MYC: variants seen among roughly 807,000 people sequenced by gnomAD.
The protein encoded by MYC is myc proto-oncogene protein.
Under a neutral mutation model 30.5 loss-of-function variants are expected in MYC, and 1 was observed. The observed-to-expected ratio is 0.03, with a 90% confidence interval of 0.01 to 0.16. The LOEUF (loss-of-function observed/expected upper bound fraction) is 0.16, where lower values mean the gene tolerates loss of function less well. Ranked by LOEUF, MYC falls within the 10% of genes least tolerant of loss-of-function variation. MYC has a pLI of 1.00. For synonymous variants in MYC, 267 were observed against 250.7 expected (o/e 1.07, Z -0.62); for missense variants, 508 against 589.0 (o/e 0.86, Z 1.42).
chr8:127,736,703 G>A (rs1586588032), intron 1 of MYC, 80 bp downstream of exon 1: 2 of 1,480,250 alleles, frequency 1.4e-6, no homozygotes, highest in East Asian at 4.6e-5. Flanking sequence ...CCTAAATAGG[G>A]TGTCTTTTCT....
intron 2 of MYC, among the ~76,000 whole-genome samples, chr8:127,739,932 G>A (rs10110283): frequency 0.072 from 10,845 of 150,748 alleles, 719 homozygotes; most frequent in African/African-American, 0.18. Context: ...TACCTTCATG[G>A]TGAGAGGAGT....
intron 2 of MYC, among the ~76,000 whole-genome samples, chr8:127,740,155 C>T (rs548795602): frequency 3.3e-4 from 50 of 152,130 alleles, no homozygotes; most frequent in African/African-American, 1.0e-3. Context: ...GATGGGGTTT[C>T]ATCGTGTTGG....
In MYC at chr8:127,738,454, C is replaced by T. The variant is rs1260334283; in HGVS notation, c.237C>T (p.Ser79=). The T allele has an allele frequency of 2.5e-6, 4 of 1,607,296 alleles. No individual in the cohort carries two copies. In the Admixed American group the frequency reaches 5.0e-5, roughly 20 times the overall value. Residue 79 remains serine, a synonymous_variant, in exon 2 of 3, where the codon AGC becomes AGT. Coordinates refer to ENST00000621592, the MANE Select transcript of MYC (RefSeq NM_002467.6). This position sits in a 1 kb window ranked among gnomAD's most constrained non-coding sequence, Gnocchi z 7.6. ...TGCCCACCCCGCCCCTGTCCCCTAG[C>T]CGCCGCTCCGGGCTCTGCTCGCCCT...
At chr8:127,737,320 C>T (rs746638284) in intron 1 of MYC, among the ~76,000 whole-genome samples, 2 of 152,242 alleles carry the variant, frequency 1.3e-5, no homozygotes, top group African/African-American at 2.4e-5. Flanking sequence ...GTGTCCGATT[C>T]TCCTGGAATC....
At chr8:127,735,633 T>TA (rs1186910545), upstream of MYC, 2 of 398,796 alleles carry the variant, frequency 5.0e-6, no homozygotes, top group Admixed American at 4.4e-5. Flanking sequence ...AGCGCGGCCC[T>TA]TTCCCCAGCC....
intron 2 of MYC, among the ~76,000 whole-genome samples, chr8:127,739,966 C>CTTTTTT (rs545674040): frequency 7.3e-6 from 1 of 136,408 alleles, no homozygotes; most frequent in Non-Finnish European, 1.6e-5. Context: ...TAGATTGGTT[C>CTTTTTT]TTTTTTTTTT....
Position 127,740,922 on chromosome 8 carries a change from A to G in MYC, c.1329A>G (p.Lys443=). 9.4e-6 allele frequency: 15 copies of G among 1,592,300 alleles called. No individual in the cohort carries two copies. Among genetic ancestry groups the G allele is most frequent in the Non-Finnish European group, 1.2e-5 (14 of 1,172,296 alleles). Residue 443 remains lysine (K), a synonymous_variant, in exon 3 of 3, where the codon AAA becomes AAG. Transcript: ENST00000621592. The stretch of plus-strand genomic sequence containing the variant: ...TGCGGAAACGACGAGAACAGTTGAA[A>G]CACAAACTTGAACAGCTACGGAACT...
In MYC at chr8:127,738,099, C is replaced by A; in HGVS notation, c.31-149C>A. On this transcript the variant is annotated intron_variant, in intron 1 of 2. Coordinates refer to ENST00000621592, the MANE Select transcript of MYC (RefSeq NM_002467.6). The surrounding 1 kb of genome is among the most constrained non-coding windows in gnomAD (Gnocchi z 7.6). ...GGGGTGAAAGGGTGCTCCCTTTATT[C>A]CCCCACCAAGACCACCCAGCCGCTT... 1 of 880,462 alleles carries A rather than the reference C, an allele frequency of 1.1e-6. No individual in the cohort carries two copies. Among genetic ancestry groups the A allele is most frequent in the South Asian group, 1.9e-5 (1 of 53,738 alleles). 54.5% of individuals were successfully genotyped at this position (880,462 alleles called of 1,614,324 possible).
chr8:127,735,806 G>A (rs965261871), upstream of MYC: 5 of 399,110 alleles, frequency 1.3e-5, no homozygotes, highest in Non-Finnish European at 2.2e-5. Flanking sequence ...CAGAGAAAGG[G>A]AGAGGGTTTG....
At position 127,738,431 on chromosome 8, in the gene MYC, C is replaced by T. The variant is rs28933407; in HGVS notation, c.214C>T (p.Pro72Ser). The change falls in exon 2 of 3, where the codon CCC (proline) becomes TCC (serine). Residue 72 changes from proline (P) to serine (S), a missense_variant. Pro to Ser is a moderately conservative substitution (Grantham distance 74). Coordinates refer to ENST00000621592, the MANE Select transcript of MYC (RefSeq NM_002467.6). The surrounding 1 kb of genome is among the most constrained non-coding windows in gnomAD (Gnocchi z 7.6). ...TATCTGGAAGAAATTCGAGCTGCTG[C>T]CCACCCCGCCCCTGTCCCCTAGCCG... 1 of 1,610,880 alleles carries T rather than the reference C, an allele frequency of 6.2e-7. No individual in the cohort carries two copies.
At chr8:127,739,141 T>G in intron 2 of MYC, 122 bp downstream of exon 2, 1 of 1,134,740 alleles carries the variant, frequency 8.8e-7, no homozygotes, top group East Asian at 2.8e-5. Context: ...CTGGAGAGAT[T>G]TGGGAGCTCA....
chr8:127,741,144 C>T lies in MYC; in HGVS notation c.*186C>T, dbSNP rs1813705511. 1 of 428,994 alleles carries T rather than the reference C, an allele frequency of 2.3e-6. No individual in the cohort carries two copies. The highest frequency in any genetic ancestry group is 4.0e-6 in the Non-Finnish European group (1 of 249,518). 26.6% of individuals were successfully genotyped at this position (428,994 alleles called of 1,614,324 possible). On this transcript the variant is annotated 3_prime_UTR_variant, in exon 3 of 3. Coordinates refer to ENST00000621592, the MANE Select transcript of MYC (RefSeq NM_002467.6). ...CATAAAAGAACTTTTTTATGCTTAC[C>T]ATCTTTTTTTTTTCTTTAACAGATT...
rs760650253 is a variant in MYC, at chr8:127,740,507, C to A, written c.914C>A (p.Pro305His). The A allele has an allele frequency of 1.5e-5, 24 of 1,613,910 alleles. No individual in the cohort carries two copies. Among genetic ancestry groups the A allele is most frequent in the South Asian group, 1.3e-4 (12 of 91,070 alleles). The change falls in exon 3 of 3, where the codon CCT becomes CAT. Residue 305 changes from proline (P) to histidine (H), a missense_variant. Physicochemically the swap from Pro to His is moderately conservative, Grantham distance 77 (BLOSUM62 -2). Coordinates refer to ENST00000621592, the MANE Select transcript of MYC (RefSeq NM_002467.6). ...CCTTCTGCTGGAGGCCACAGCAAAC[C>A]TCCTCACAGCCCACTGGTCCTCAAG...
chr8:127,742,384 A>T lies in MYC; in HGVS notation c.*1426A>T, dbSNP rs541802702. Among the ~76,000 whole-genome samples the T allele has an allele frequency of 3.3e-5, 5 of 152,354 alleles. No individual in the cohort carries two copies. The highest frequency in any genetic ancestry group is 1.2e-4 in the African/African-American group (5 of 41,586). ...AAGCCACCTCTCAGACGACGGTAGG[A>T]ATCAGCTGGCTGCTTGTGAGTACAG... On this transcript the variant is annotated 3_prime_UTR_variant, in exon 3 of 3. Coordinates refer to ENST00000621592, the MANE Select transcript of MYC (RefSeq NM_002467.6).
intron 2 of MYC, among the ~76,000 whole-genome samples, chr8:127,739,833 G>A (rs1269751567): frequency 6.6e-6 from 1 of 152,024 alleles, no homozygotes; most frequent in African/African-American, 2.4e-5. Context: ...TAAGTCTTAG[G>A]TAAGAATTGG....
rs765535915 is a variant in MYC, at chr8:127,736,569, G to A, written c.-25G>A. The A allele has an allele frequency of 5.0e-6, 8 of 1,614,002 alleles. No individual in the cohort carries two copies. The South Asian group carries it at 5.5e-5, about 11-fold the overall frequency. ...GCTGCCAGGACCCGCTTCTCTGAAA[G>A]GCTCTCCTTGCAGCTGCTTAGACGC... is the stretch of plus-strand genomic sequence containing the variant. On this transcript the variant is annotated 5_prime_UTR_variant, in exon 1 of 3. Coordinates refer to ENST00000621592, the MANE Select transcript of MYC (RefSeq NM_002467.6).
At position 127,740,388 on chromosome 8, in the gene MYC, T is replaced by C. The variant is rs1219598380; in HGVS notation, c.803-8T>C. 1 of 1,610,752 alleles carries C rather than the reference T, an allele frequency of 6.2e-7. No individual in the cohort carries two copies. Among genetic ancestry groups the C allele is most frequent in the Admixed American group, 1.7e-5 (1 of 59,766 alleles). ...CTAAAGGAGTGATTTCTATTTCCTT[T>C]CTTAAAGAGGAGGAACAAGAAGATG... On this transcript the variant is annotated splice_polypyrimidine_tract_variant and splice_region_variant and intron_variant, in intron 2 of 2. Coordinates refer to ENST00000621592, the MANE Select transcript of MYC (RefSeq NM_002467.6).
At position 127,738,102 on chromosome 8, in the gene MYC, C is replaced by T. The variant is rs2130091233; in HGVS notation, c.31-146C>T. ...GTGAAAGGGTGCTCCCTTTATTCCCCCACCAAGACCACCCAGCCGCTTTAG... is the reference window on the plus strand; with the variant it reads ...GTGAAAGGGTGCTCCCTTTATTCCCTCACCAAGACCACCCAGCCGCTTTAG... On this transcript the variant is annotated intron_variant, in intron 1 of 2. Coordinates refer to ENST00000621592, the MANE Select transcript of MYC (RefSeq NM_002467.6). The surrounding 1 kb of genome is among the most constrained non-coding windows in gnomAD (Gnocchi z 7.6). 1 of 938,022 alleles carries T rather than the reference C, an allele frequency of 1.1e-6. No homozygotes were observed. Among genetic ancestry groups the T allele is most frequent in the Non-Finnish European group, 1.6e-6 (1 of 644,322 alleles). The allele number at this position is 938,022 out of a possible 1,614,324, so 58.1% of individuals were successfully genotyped here.
In MYC at chr8:127,741,660, G is replaced by A. The variant is rs983896024; in HGVS notation, c.*702G>A. Among the ~76,000 whole-genome samples the A allele has an allele frequency of 4.6e-5, 7 of 152,322 alleles. No homozygotes were observed. The highest frequency in any genetic ancestry group is 1.4e-4 in the African/African-American group (6 of 41,564). ...CAGTTAGAAGGAATGGCAGAAGGCA[G>A]GTGAGAAGGTGAGAGGTAGGCAAAG... On this transcript the variant is annotated 3_prime_UTR_variant, in exon 3 of 3. Coordinates refer to ENST00000621592, the MANE Select transcript of MYC (RefSeq NM_002467.6).
Sources: allele counts gnomAD v4.1 joint callset (sites outside exome capture counted in the v4.1 genomes callset), GRCh38; gene constraint gnomAD v4.1.1; non-coding constraint Gnocchi (gnomAD v3.1); transcripts MANE v1.5; gene names NCBI Gene and HGNC (gene_info 2026-07-23, HGNC 2026-07-21).